Variants in GALNT17 observed in about 807,000 individuals in gnomAD.
GALNT17 encodes UDP-GalNAc:polypeptide N-acetylgalactosaminyltransferase-like 3.
A neutral mutation model predicts 63.7 loss-of-function variants in GALNT17; 29 were observed. That is an observed-to-expected ratio of 0.46 (90% CI 0.34 to 0.62). GALNT17 has a LOEUF of 0.62. Among genes scored for constraint, GALNT17 ranks in the 20% least tolerant of loss-of-function variants. The pLI, the probability that GALNT17 is intolerant of heterozygous loss-of-function variation, is 0.01. For missense variants in GALNT17, 603 were observed against 799.6 expected, an observed-to-expected ratio of 0.75 and a Z score of 2.97; for synonymous variants, 305 against 318.3, an observed-to-expected ratio of 0.96 and a Z score of 0.45.
At chr7:71,251,889 G>A (rs1281620820) in intron 1 of GALNT17, among the ~76,000 whole-genome samples, 1 of 152,122 alleles carries the variant, frequency 6.6e-6, no homozygotes, top group African/African-American at 2.4e-5. Context: ...AAATCTTTAT[G>A]TCTCTTACCT....
intron 1 of GALNT17, among the ~76,000 whole-genome samples, chr7:71,215,053 T>C (rs17521285): frequency 0.33 from 50,382 of 152,182 alleles, 9,329 homozygotes; most frequent in South Asian, 0.53. Context: ...TGTTCTTAAT[T>C]GTCTTATCAT....
intron 5 of GALNT17, among the ~76,000 whole-genome samples, chr7:71,472,851 AC>A (rs1787657857): frequency 2.0e-5 from 3 of 152,152 alleles, no homozygotes; most frequent in African/African-American, 7.2e-5. Flanking sequence ...ACGAAAACCA[AC>A]CCCACAAAGC....
intron 6 of GALNT17, among the ~76,000 whole-genome samples, chr7:71,613,752 G>A (rs11973528): frequency 0.038 from 5,800 of 151,050 alleles, 380 homozygotes; most frequent in African/African-American, 0.13. Flanking sequence ...CCAGGAGTTC[G>A]AGACCAGCTT....
intron 1 of GALNT17, among the ~76,000 whole-genome samples, chr7:71,208,302 G>A (rs1027719867): frequency 2.6e-5 from 4 of 152,090 alleles, no homozygotes; most frequent in African/African-American, 4.8e-5. Flanking sequence ...CTCCCACAGG[G>A]AGATTGATAA....
chr7:71,664,676 T>C (rs1194667034), intron 6 of GALNT17, among the ~76,000 whole-genome samples: 1 of 152,186 alleles, frequency 6.6e-6, no homozygotes, highest in South Asian at 2.1e-4. Context: ...CTGATATGAA[T>C]AAAGATCTGT....
chr7:71,609,534 T>TA (rs1235906322), intron 6 of GALNT17, among the ~76,000 whole-genome samples: 1 of 152,224 alleles, frequency 6.6e-6, no homozygotes, highest in Non-Finnish European at 1.5e-5. Context: ...TTTTCATTTT[T>TA]ATTATTTAAA....
chr7:71,500,034 C>A (rs1278432437), intron 5 of GALNT17, among the ~76,000 whole-genome samples: 1 of 152,224 alleles, frequency 6.6e-6, no homozygotes, highest in African/African-American at 2.4e-5. Flanking sequence ...TTTCCTGAAG[C>A]CTCTCCAGCC....
At chr7:71,250,668 A>G (rs1790181634) in intron 1 of GALNT17, among the ~76,000 whole-genome samples, 1 of 152,204 alleles carries the variant, frequency 6.6e-6, no homozygotes, top group Non-Finnish European at 1.5e-5. Context: ...TTAGTTCAGA[A>G]TATAAATTTA....
intron 6 of GALNT17, among the ~76,000 whole-genome samples, chr7:71,619,140 A>G (rs958686558): frequency 6.6e-6 from 1 of 151,916 alleles, no homozygotes; most frequent in East Asian, 1.9e-4. Flanking sequence ...TTTAATTTCC[A>G]TGTTTTCTGT....
intron 5 of GALNT17, among the ~76,000 whole-genome samples, chr7:71,566,349 A>AG (rs948268167): frequency 5.8e-4 from 88 of 152,162 alleles, no homozygotes; most frequent in African/African-American, 2.0e-3. Context: ...TGCCTCTGAG[A>AG]GGTTAGAAAG....
rs139059003 is a variant in GALNT17 at position 71,582,225 on chromosome 7, C to T, written c.1080+10823C>T. Among the ~76,000 whole-genome samples, 24 of 152,146 alleles carry T rather than the reference C, an allele frequency of 1.6e-4. 1 individual carries two copies. The South Asian group carries it at 2.3e-3, about 14-fold the overall frequency. Reference sequence around the variant, plus strand: ...CACACATGTTTGTAGCAGCACAATTCGTAATTGCAAAAATGTGGAACCAAC... The same window carrying T: ...CACACATGTTTGTAGCAGCACAATTTGTAATTGCAAAAATGTGGAACCAAC... On this transcript the variant is annotated intron_variant, in intron 6 of 10. Transcript: ENST00000333538.
At chr7:71,557,224 A>G (rs1208770461) in intron 5 of GALNT17, among the ~76,000 whole-genome samples, 5 of 152,084 alleles carry the variant, frequency 3.3e-5, no homozygotes, top group Non-Finnish European at 5.9e-5. Flanking sequence ...GTTTTATCCC[A>G]TAGTGCCTGC....
intron 1 of GALNT17, among the ~76,000 whole-genome samples, chr7:71,237,743 C>G (rs1789921580): frequency 6.6e-6 from 1 of 151,920 alleles, no homozygotes; most frequent in South Asian, 2.1e-4. Context: ...CAGAGCTTAG[C>G]ACACAGCCAG....
At chr7:71,648,651 G>A (rs537529170) in intron 6 of GALNT17, among the ~76,000 whole-genome samples, 68 of 152,040 alleles carry the variant, frequency 4.5e-4, no homozygotes, top group East Asian at 2.7e-3. Flanking sequence ...TGCCCAGGCC[G>A]GTCTTGAACT....
chr7:71,140,095 A>G (rs2116161441), intron 1 of GALNT17, among the ~76,000 whole-genome samples: 1 of 152,312 alleles, frequency 6.6e-6, no homozygotes, highest in South Asian at 2.1e-4. Flanking sequence ...GTCTGGTGTT[A>G]TATTTCTTCT....
intron 5 of GALNT17, among the ~76,000 whole-genome samples, chr7:71,469,962 A>G (rs907880961): frequency 1.3e-5 from 2 of 152,164 alleles, no homozygotes; most frequent in African/African-American, 4.8e-5. Flanking sequence ...TAATCCCAAC[A>G]CTTTGGGAGG....
intron 1 of GALNT17, among the ~76,000 whole-genome samples, chr7:71,203,668 A>G (rs1037271843): frequency 6.6e-6 from 1 of 152,180 alleles, no homozygotes; most frequent in Non-Finnish European, 1.5e-5. Context: ...TGCAGGAAGT[A>G]TAGTGCTGGC....
chr7:71,686,528 A>G (rs899810915), intron 9 of GALNT17, among the ~76,000 whole-genome samples: 1 of 146,700 alleles, frequency 6.8e-6, no homozygotes, highest in Non-Finnish European at 1.5e-5. Context: ...TTACAGTCAC[A>G]CACCACCATA....
At chr7:71,617,840 T>C (rs758579895) in intron 6 of GALNT17, among the ~76,000 whole-genome samples, 16 of 151,930 alleles carry the variant, frequency 1.1e-4, no homozygotes, top group Non-Finnish European at 2.1e-4. Flanking sequence ...AGAGACAGGA[T>C]TTCACCATAT....
Sources: allele counts gnomAD v4.1 joint callset (sites outside exome capture counted in the v4.1 genomes callset), GRCh38; gene constraint gnomAD v4.1.1; transcripts MANE v1.5; gene names NCBI Gene and HGNC (gene_info 2026-07-23, HGNC 2026-07-21).